RNF121: variants seen among roughly 807,000 people sequenced by gnomAD.
RNF121 encodes E3 ubiquitin ligase RNF121.
Under a neutral mutation model 46.5 loss-of-function variants are expected in RNF121, and 21 were observed. That is an observed-to-expected ratio of 0.45 (90% confidence interval 0.32 to 0.65). The LOEUF is 0.65. Among genes scored for constraint, RNF121 ranks in the 30% least tolerant of loss-of-function variants. RNF121 has a pLI of 0.04. For missense variants in RNF121, 346 were observed against 416.0 expected, an observed-to-expected ratio of 0.83 and a Z score of 1.46; for synonymous variants, 139 against 144.7, an observed-to-expected ratio of 0.96 and a Z score of 0.28.
At chr11:71,994,976 A>T (rs1954945656) in intron 7 of RNF121, 124 bp downstream of exon 7, 17 of 1,294,736 alleles carry the variant, frequency 1.3e-5, no homozygotes, top group Non-Finnish European at 1.8e-5. Context: ...GGAGAGCCAC[A>T]AGAGGGCCAC....
chr11:71,989,390 A>G (rs988462229), intron 5 of RNF121, among the ~76,000 whole-genome samples: 6 of 152,142 alleles, frequency 3.9e-5, no homozygotes, highest in Non-Finnish European at 8.8e-5. Flanking sequence ...CCTCTGCATT[A>G]AGTTTTAAAG....
intron 1 of RNF121, chr11:71,939,069 T>G (rs953013900): frequency 2.6e-5 from 4 of 153,162 alleles, no homozygotes; most frequent in African/African-American, 9.7e-5. Context: ...CATGCCCGGC[T>G]AATTGTTGTA....
chr11:71,991,206 C>T (rs1266477625), intron 6 of RNF121, among the ~76,000 whole-genome samples: 1 of 147,564 alleles, frequency 6.8e-6, no homozygotes, highest in Admixed American at 6.9e-5. Context: ...CACATGTACC[C>T]TCTGAATCTA....
In RNF121 at chr11:71,930,422, G is replaced by A. The variant is rs144040662; in HGVS notation, c.63+1298G>A. ...TGTTGCCTGGTAGTGGGATGAGTTGGAGGAGTTGGATTACCTGATTGGGAT... is the reference window on the plus strand; with the variant it reads ...TGTTGCCTGGTAGTGGGATGAGTTGAAGGAGTTGGATTACCTGATTGGGAT... On this transcript the variant is annotated intron_variant, in intron 1 of 8. Transcript: ENST00000361756. Among the ~76,000 whole-genome samples the A allele has an allele frequency of 3.7e-3, 565 of 152,242 alleles. 3 individuals are homozygous for A. Among genetic ancestry groups the A allele is most frequent in the African/African-American group, 0.013 (546 of 41,518 alleles).
chr11:71,986,095 C>T (rs1054486536), intron 4 of RNF121, among the ~76,000 whole-genome samples: 3 of 152,152 alleles, frequency 2.0e-5, no homozygotes, highest in Non-Finnish European at 4.4e-5. Flanking sequence ...ACTTCACCAC[C>T]ACCACACACT....
At chr11:71,982,040 G>A (rs1000918757) in intron 3 of RNF121, among the ~76,000 whole-genome samples, 13 of 152,186 alleles carry the variant, frequency 8.5e-5, no homozygotes, top group African/African-American at 3.1e-4. Context: ...AGGCAGGCAG[G>A]TGGGAAGGAC....
chr11:71,981,177 T>C (rs1003135299), intron 3 of RNF121, among the ~76,000 whole-genome samples: 2 of 151,454 alleles, frequency 1.3e-5, no homozygotes, highest in Non-Finnish European at 2.9e-5. Context: ...GCCTCCTGAG[T>C]AGCTGGGACT....
intron 1 of RNF121, among the ~76,000 whole-genome samples, chr11:71,942,037 A>C (rs1953582198): frequency 6.8e-6 from 1 of 148,028 alleles, no homozygotes; most frequent in African/African-American, 2.5e-5. Flanking sequence ...GGTTCGTGCC[A>C]TTCTCCTGCC....
At chr11:71,966,267 C>A (rs1954274375) in intron 3 of RNF121, among the ~76,000 whole-genome samples, 1 of 152,190 alleles carries the variant, frequency 6.6e-6, no homozygotes, top group South Asian at 2.1e-4. Flanking sequence ...GATCCGCTCA[C>A]CTTGGCCTCC....
chr11:71,964,958 A>G (rs978275170), intron 3 of RNF121, among the ~76,000 whole-genome samples: 19 of 152,218 alleles, frequency 1.2e-4, no homozygotes. Flanking sequence ...TAGAGGATGA[A>G]GCAGACCTGC....
intron 1 of RNF121, among the ~76,000 whole-genome samples, chr11:71,955,591 C>A (rs879033659): frequency 6.6e-6 from 1 of 151,822 alleles, no homozygotes; most frequent in Non-Finnish European, 1.5e-5. Flanking sequence ...ACAACAACAA[C>A]GAAAAATAGG....
intron 4 of RNF121, 162 bp downstream of exon 4, chr11:71,983,077 C>T (rs1954697147): frequency 4.1e-6 from 2 of 493,470 alleles, no homozygotes; most frequent in Admixed American, 8.5e-5. Flanking sequence ...GAACCCCTCC[C>T]CTATTTATCG....
intron 3 of RNF121, among the ~76,000 whole-genome samples, chr11:71,961,362 A>G (rs909467426): frequency 6.6e-6 from 1 of 152,132 alleles, no homozygotes; most frequent in Admixed American, 6.6e-5. Flanking sequence ...GGAGTTCAAG[A>G]CTAGCCTGGG....
At chr11:71,933,128 G>A (rs1284394030) in intron 1 of RNF121, among the ~76,000 whole-genome samples, 1 of 152,198 alleles carries the variant, frequency 6.6e-6, no homozygotes, top group Admixed American at 6.5e-5. Flanking sequence ...TCCTCAAAGG[G>A]GAGGCTAACC....
At chr11:71,964,646 T>A (rs796525542) in intron 3 of RNF121, among the ~76,000 whole-genome samples, 23 of 152,180 alleles carry the variant, frequency 1.5e-4, no homozygotes, top group African/African-American at 5.3e-4. Context: ...CCAGGCTAAT[T>A]TTTTGTATTT....
intron 3 of RNF121, among the ~76,000 whole-genome samples, chr11:71,967,825 A>G (rs1291188662): frequency 6.6e-6 from 1 of 152,100 alleles, no homozygotes; most frequent in Non-Finnish European, 1.5e-5. Context: ...ATTAAGTATT[A>G]TATGTAAGTA....
chr11:71,986,769 CAAAAA>C (rs11315989), intron 4 of RNF121, among the ~76,000 whole-genome samples: 2 of 71,962 alleles, frequency 2.8e-5, no homozygotes, highest in East Asian at 3.5e-4. Context: ...ACTCTCATCT[CAAAAA>C]AAAAAAAAAA....
At chr11:71,933,432 C>T (rs1202423045) in intron 1 of RNF121, among the ~76,000 whole-genome samples, 3 of 151,996 alleles carry the variant, frequency 2.0e-5, no homozygotes, top group African/African-American at 7.3e-5. Flanking sequence ...TCTCTTTGGC[C>T]CTGTTTTGCT....
At chr11:71,978,031 C>G in intron 3 of RNF121, 1 of 282,868 alleles carries the variant, frequency 3.5e-6, no homozygotes, top group South Asian at 2.7e-5. Flanking sequence ...AGCAAAATGC[C>G]AATAAATTCT....
Sources: allele counts gnomAD v4.1 joint callset (sites outside exome capture counted in the v4.1 genomes callset), GRCh38; gene constraint gnomAD v4.1.1; transcripts MANE v1.5; gene names NCBI Gene and HGNC (gene_info 2026-07-23, HGNC 2026-07-21).